PCDH11Y: variants seen among roughly 807,000 people sequenced by gnomAD.
PCDH11Y encodes protocadherin-11 Y-linked.
For synonymous variants in PCDH11Y, 9 were observed against 83.6 expected (o/e 0.11, Z 4.87); for missense variants, 12 against 224.8 (o/e 0.05, Z 6.05).
intron 2 of PCDH11Y, among the ~76,000 whole-genome samples, chrY:5,459,333 C>T: frequency 3.1e-5 from 1 of 32,090 alleles, no homozygotes; most frequent in Non-Finnish European, 7.7e-5. Flanking sequence ...GAAGAGTATA[C>T]GAAGAACATT....
At chrY:5,448,104 G>A in intron 2 of PCDH11Y, among the ~76,000 whole-genome samples, 1 of 31,924 alleles carries the variant, frequency 3.1e-5, no homozygotes, top group Admixed American at 2.9e-4. Context: ...AATAGCATTC[G>A]CTTTCAGACT....
chrY:5,580,717 A>C (rs2053450110), intron 3 of PCDH11Y, among the ~76,000 whole-genome samples: 34 of 33,117 alleles, frequency 1.0e-3, no homozygotes, highest in African/African-American at 3.6e-3. Context: ...TGACACTTAA[A>C]AATGTTGTAC....
intron 1 of PCDH11Y, among the ~76,000 whole-genome samples, chrY:5,097,347 T>A: frequency 3.2e-5 from 1 of 31,385 alleles, no homozygotes; most frequent in Non-Finnish European, 7.6e-5. Context: ...TATGATGTTG[T>A]CTTGGAGGAA....
chrY:5,211,251 TC>T (rs2052938343), intron 2 of PCDH11Y, among the ~76,000 whole-genome samples: 1 of 27,554 alleles, frequency 3.6e-5, no homozygotes. Context: ...ACCTCATGTC[TC>T]CCTTTGACTA....
At chrY:5,504,876 T>C in intron 3 of PCDH11Y, among the ~76,000 whole-genome samples, 1 of 33,278 alleles carries the variant, frequency 3.0e-5, no homozygotes, top group Non-Finnish European at 7.5e-5. Flanking sequence ...GATTTAAAAA[T>C]GCTTTCCAAT....
intron 2 of PCDH11Y, among the ~76,000 whole-genome samples, chrY:5,407,212 A>G: frequency 3.7e-5 from 1 of 26,867 alleles, no homozygotes; most frequent in Non-Finnish European, 8.6e-5. Flanking sequence ...AAACCAAGAA[A>G]GAATCATATT....
intron 2 of PCDH11Y, among the ~76,000 whole-genome samples, chrY:5,355,869 A>G: frequency 2.9e-5 from 1 of 33,908 alleles, no homozygotes; most frequent in Non-Finnish European, 7.3e-5. Context: ...TTACCTTTCA[A>G]AGTCCTAAAG....
intron 3 of PCDH11Y, among the ~76,000 whole-genome samples, chrY:5,514,685 AT>A (rs2053369963): frequency 1.2e-4 from 4 of 32,800 alleles, no homozygotes. Flanking sequence ...TTAATATTAC[AT>A]TTTTTTCTTG....
intron 1 of PCDH11Y, among the ~76,000 whole-genome samples, chrY:5,016,970 C>A (rs2052561804): frequency 2.2e-3 from 75 of 33,349 alleles, no homozygotes; most frequent in Non-Finnish European, 6.0e-4. Flanking sequence ...CTAAAAATGT[C>A]TAACACATTA....
chrY:5,690,889 A>G (rs2124710756), intron 4 of PCDH11Y, among the ~76,000 whole-genome samples: 6 of 30,263 alleles, frequency 2.0e-4, no homozygotes, highest in African/African-American at 7.8e-4. Flanking sequence ...TATTTGATTT[A>G]GGCTAGGTTT....
chrY:5,262,456 G>GTT (rs781274143), intron 2 of PCDH11Y, among the ~76,000 whole-genome samples: 2 of 13,169 alleles, frequency 1.5e-4, no homozygotes, highest in Non-Finnish European at 2.9e-4. Flanking sequence ...TGTTTGTGGG[G>GTT]TTTTTTTTTT....
intron 2 of PCDH11Y, among the ~76,000 whole-genome samples, chrY:5,437,917 G>A: frequency 6.1e-5 from 2 of 32,577 alleles, no homozygotes; most frequent in African/African-American, 2.4e-4. Context: ...TAACAGTGTC[G>A]AATCCATTTC....
chrY:5,044,846 A>G, intron 3 of PCDH11Y, among the ~76,000 whole-genome samples: 1 of 33,079 alleles, frequency 3.0e-5, no homozygotes, highest in Non-Finnish European at 7.4e-5. Context: ...TGTTGAATTG[A>G]TCCCTTTACC....
chrY:5,199,259 G>A (rs377262847), intron 2 of PCDH11Y, among the ~76,000 whole-genome samples: 1,430 of 30,308 alleles, frequency 0.047, no homozygotes, highest in Middle Eastern at 0.36. Context: ...GCCTAGAGGC[G>A]TGAAATAATT....
chrY:5,734,728 G>A, intron 4 of PCDH11Y, among the ~76,000 whole-genome samples: 2 of 30,903 alleles, frequency 6.5e-5, no homozygotes, highest in East Asian at 1.7e-3. Flanking sequence ...CTTGGCCTGG[G>A]CAAATTTCTG....
intron 2 of PCDH11Y, among the ~76,000 whole-genome samples, chrY:5,198,936 T>C: frequency 9.0e-5 from 3 of 33,215 alleles, no homozygotes; most frequent in Admixed American, 8.4e-4. Context: ...GTTTTGCAAG[T>C]GGTCAGGGTT....
intron 2 of PCDH11Y, among the ~76,000 whole-genome samples, chrY:5,418,039 A>G (rs2053254674): frequency 3.1e-5 from 1 of 32,769 alleles, no homozygotes; most frequent in Non-Finnish European, 7.5e-5. Context: ...AGTAATTTTC[A>G]TACTAAGACA....
intron 4 of PCDH11Y, among the ~76,000 whole-genome samples, chrY:5,692,499 G>A: frequency 3.0e-5 from 1 of 33,116 alleles, no homozygotes; most frequent in Admixed American, 2.8e-4. Context: ...TGGTTTTGGA[G>A]GAAAAGCAAT....
At chrY:5,362,146 G>A in intron 2 of PCDH11Y, among the ~76,000 whole-genome samples, 1 of 33,002 alleles carries the variant, frequency 3.0e-5, no homozygotes, top group African/African-American at 1.2e-4. Context: ...CCCATTTAAA[G>A]TGCACAACAA....
Sources: gnomAD v4.1 joint callset for allele counts (sites outside exome capture counted in the v4.1 genomes callset) on GRCh38, gnomAD v4.1.1 for gene constraint, MANE v1.5 for transcripts, NCBI Gene and HGNC (gene_info 2026-07-23, HGNC 2026-07-21) for gene names.